QSOX2: variants seen among roughly 807,000 people sequenced by gnomAD.
QSOX2 encodes the protein sulfhydryl oxidase 2.
In QSOX2, 46 loss-of-function variants were observed where a neutral mutation model predicts 61.7. The ratio of observed to expected loss-of-function variants is 0.75; its 90% CI spans 0.59 to 0.95. The LOEUF (loss-of-function observed/expected upper bound fraction) is 0.95. Among genes scored for constraint, QSOX2 ranks in the 40% least tolerant of loss-of-function variants. The pLI, the probability that QSOX2 is intolerant of heterozygous loss-of-function variation, is 0.00. For synonymous variants in QSOX2, 383 were observed against 388.4 expected (o/e 0.99, Z 0.16); for missense variants, 879 against 918.9 (o/e 0.96, Z 0.56).
chr9:136,244,741 TAAACA>T (rs1244532770), intron 1 of QSOX2, among the ~76,000 whole-genome samples: 2 of 152,326 alleles, frequency 1.3e-5, no homozygotes, highest in Non-Finnish European at 2.9e-5. Context: ...ATGAAAGCAC[TAAACA>T]ATAAAGTGCG....
intron 1 of QSOX2, among the ~76,000 whole-genome samples, chr9:136,244,786 T>C (rs1830457498): frequency 6.6e-6 from 1 of 152,194 alleles, no homozygotes; most frequent in Non-Finnish European, 1.5e-5. Flanking sequence ...GTGAAAGATT[T>C]CTCAAAGGCT....
chr9:136,208,905 C>T lies in QSOX2; in HGVS notation c.1920G>A (p.Gly640=), dbSNP rs970888494. 3 of 1,613,910 alleles carry T rather than the reference C, an allele frequency of 1.9e-6. No individual in the cohort carries two copies. Among genetic ancestry groups the T allele is most frequent in the Non-Finnish European group, 2.5e-6 (3 of 1,180,004 alleles). ...DGKLQSLDGP[G]AHKEVGGAAP... Reference sequence around the variant, plus strand: ...CGGCCCCGCCCACCTCCTTGTGGGCCCCGGGCCCATCCAGACTCTGGAGTT... The same window carrying T: ...CGGCCCCGCCCACCTCCTTGTGGGCTCCGGGCCCATCCAGACTCTGGAGTT... Residue 640 remains glycine, a synonymous_variant, in exon 12 of 12, where the codon GGG becomes GGA. Transcript: ENST00000358701.
At chr9:136,244,422 GAA>G (rs1195557713) in intron 1 of QSOX2, among the ~76,000 whole-genome samples, 1 of 152,160 alleles carries the variant, frequency 6.6e-6, no homozygotes, top group Non-Finnish European at 1.5e-5. Context: ...ACTTAGACTT[GAA>G]AAAAAGTTTC....
At chr9:136,210,180 G>A in intron 11 of QSOX2, 14 of 985,474 alleles carry the variant, frequency 1.4e-5, no homozygotes, top group Non-Finnish European at 1.7e-5. Flanking sequence ...GAAGCTGCCA[G>A]AGCTTCATGT....
chr9:136,213,749 A>G (rs922465730), intron 10 of QSOX2, among the ~76,000 whole-genome samples: 4 of 151,986 alleles, frequency 2.6e-5, no homozygotes, highest in African/African-American at 9.7e-5. Context: ...ATAATATGTG[A>G]CTCCACACTG....
chr9:136,245,179 C>G (rs1830461156), intron 1 of QSOX2, among the ~76,000 whole-genome samples: 1 of 152,140 alleles, frequency 6.6e-6, no homozygotes, highest in Non-Finnish European at 1.5e-5. Context: ...TATCCCCAAG[C>G]GTGCGGTGAG....
At chr9:136,231,096 G>C (rs1434964174) in intron 1 of QSOX2, among the ~76,000 whole-genome samples, 2 of 152,172 alleles carry the variant, frequency 1.3e-5, no homozygotes, top group Non-Finnish European at 2.9e-5. Flanking sequence ...AAAGCTTTCT[G>C]ACCAAATTAT....
intron 1 of QSOX2, among the ~76,000 whole-genome samples, chr9:136,228,475 C>T (rs1406765713): frequency 6.6e-6 from 1 of 152,228 alleles, no homozygotes; most frequent in Non-Finnish European, 1.5e-5. Context: ...GCACTGCCAA[C>T]AATTCACAAA....
intron 10 of QSOX2, among the ~76,000 whole-genome samples, chr9:136,213,243 G>GTTTTTTTTTTT (rs398046934): frequency 2.7e-5 from 3 of 111,046 alleles, no homozygotes; most frequent in East Asian, 2.5e-4. Flanking sequence ...GTTTTGTTGT[G>GTTTTTTTTTTT]TTTTTTTTTT....
At position 136,236,978 on chromosome 9, in the gene QSOX2, TGTCCTGGGCCGGCGTCACCTGGAGCCC is replaced by T. The variant is rs1588641202; in HGVS notation, c.328+8471_328+8497del. ...CCCGTCCTGTGCCACACCTGGAGCCTGTCCTGGGCCGGCGTCACCTGGAGCCCGTCCTGGGCCGGTGTCACCTGGAGC... is the reference window on the plus strand; with the variant it reads ...CCCGTCCTGTGCCACACCTGGAGCCTGTCCTGGGCCGGTGTCACCTGGAGC... On this transcript the variant is annotated intron_variant, in intron 1 of 11. Transcript: ENST00000358701. 4.7e-5 allele frequency among the ~76,000 whole-genome samples: 5 copies of T among 105,372 alleles called. No individual in the cohort carries two copies. In the East Asian group the frequency reaches 1.3e-3, roughly 27 times the overall value. 69.1% of individuals were successfully genotyped at this position (105,372 alleles called of 152,430 possible). A position where few individuals can be genotyped will look rare whatever the true frequency, so the allele number is the denominator to read the frequency against.
intron 2 of QSOX2, among the ~76,000 whole-genome samples, chr9:136,226,225 T>C (rs951955416): frequency 6.6e-6 from 1 of 152,208 alleles, no homozygotes; most frequent in African/African-American, 2.4e-5. Flanking sequence ...CAGGAGGCAG[T>C]GGCACCCGCA....
Position 136,208,719 on chromosome 9 carries a change from C to T in QSOX2, c.*9G>A, listed in dbSNP as rs757710897. 1.3e-6 allele frequency: 2 copies of T among 1,597,708 alleles called. No individual in the cohort carries two copies. Among genetic ancestry groups the T allele is most frequent in the South Asian group, 2.2e-5 (2 of 89,862 alleles). On this transcript the variant is annotated 3_prime_UTR_variant, in exon 12 of 12. Coordinates refer to ENST00000358701, the MANE Select transcript of QSOX2 (RefSeq NM_181701.4). ...GGAGCTTCCGCCGTGGCTGGCAGCACCCGGGCACTCACACGGCCGGGTGGT... is the reference window on the plus strand; with the variant it reads ...GGAGCTTCCGCCGTGGCTGGCAGCATCCGGGCACTCACACGGCCGGGTGGT...
chr9:136,241,354 C>A (rs1830432087), intron 1 of QSOX2, among the ~76,000 whole-genome samples: 1 of 152,214 alleles, frequency 6.6e-6, no homozygotes, highest in Non-Finnish European at 1.5e-5. Context: ...CTCCCTCTGG[C>A]CCTTATTGTT....
At chr9:136,233,136 C>T (rs984114122) in intron 1 of QSOX2, among the ~76,000 whole-genome samples, 2 of 152,068 alleles carry the variant, frequency 1.3e-5, no homozygotes, top group African/African-American at 4.8e-5. Flanking sequence ...AGCAGGACTG[C>T]CCTTAGCTAT....
At position 136,216,679 on chromosome 9, in the gene QSOX2, A is replaced by C; in HGVS notation, c.1130T>G (p.Leu377Arg). ...RPPVKKLLEMLQEWLASLPLD... is the reference protein window; with the variant it reads ...RPPVKKLLEMRQEWLASLPLD... ...GGGAAGGCTGGCCAGCCACTCCTGC[A>C]GCATCTCCAACAGCTTCTTGACTGG... Residue 377 changes from leucine to arginine, a missense_variant, in exon 9 of 12, where the codon CTG becomes CGG. Transcript: ENST00000358701. 6.2e-7 allele frequency: 1 copy of C among 1,613,960 alleles called. No individual in the cohort carries two copies.
At chr9:136,232,850 G>C (rs1385146571) in intron 1 of QSOX2, among the ~76,000 whole-genome samples, 4 of 150,052 alleles carry the variant, frequency 2.7e-5, no homozygotes, top group Non-Finnish European at 5.9e-5. Flanking sequence ...GAGCTCAGGA[G>C]GTCAAGGCTG....
intron 1 of QSOX2, among the ~76,000 whole-genome samples, chr9:136,238,283 T>A (rs1233526456): frequency 1.3e-5 from 2 of 152,240 alleles, no homozygotes; most frequent in Non-Finnish European, 2.9e-5. Context: ...ACAAGAGCCG[T>A]GCCCTGGGCA....
intron 1 of QSOX2, among the ~76,000 whole-genome samples, chr9:136,241,394 G>A (rs761358295): frequency 8.5e-4 from 129 of 152,218 alleles, no homozygotes; most frequent in Non-Finnish European, 1.2e-4. Flanking sequence ...CAATGAGCCT[G>A]TGGGGAACAC....
intron 1 of QSOX2, among the ~76,000 whole-genome samples, chr9:136,237,794 G>A (rs1830402650): frequency 6.6e-6 from 1 of 152,268 alleles, no homozygotes; most frequent in Non-Finnish European, 1.5e-5. Context: ...CCCGTCCTGT[G>A]CCAGTGTCCA....
Sources: allele counts gnomAD v4.1 joint callset (sites outside exome capture counted in the v4.1 genomes callset), GRCh38; gene constraint gnomAD v4.1.1; transcripts MANE v1.5; gene names NCBI Gene and HGNC (gene_info 2026-07-23, HGNC 2026-07-21).